The following CLUL1 variants were observed in gnomAD, a reference collection of about 807,000 sequenced individuals.
CLUL1 encodes the protein clusterin like 1, also known as clusterin-like protein 1.
Under a neutral mutation model 49.4 loss-of-function variants are expected in CLUL1, and 43 were observed. The observed-to-expected ratio is 0.87, with a 90% confidence interval of 0.68 to 1.12. The LOEUF is 1.12. Ranked by LOEUF, CLUL1 falls within the 50% of genes most tolerant of loss-of-function variation. The probability of loss-of-function intolerance (pLI) is 0.00; values close to 1 mark genes in which losing one functional copy is unlikely to be tolerated. For missense variants in CLUL1, 486 were observed against 544.4 expected (o/e 0.89, Z 1.07); for synonymous variants, 192 against 184.9 (o/e 1.04, Z -0.31).
chr18:645,223 C>A, intron 9 of CLUL1, 126 bp downstream of exon 9: 2 of 643,402 alleles, frequency 3.1e-6, no homozygotes, highest in South Asian at 4.1e-5. Flanking sequence ...GACATGAAAA[C>A]AAACAAGATG....
rs762631920 is a variant in CLUL1 at position 627,519 on chromosome 18, A to G, written c.846A>G (p.Lys282=). The change falls in exon 6 of 10, where the codon AAA becomes AAG. Residue 282 remains lysine (K), a synonymous_variant. Coordinates refer to ENST00000692774, the MANE Select transcript of CLUL1 (RefSeq NM_001393344.1). ...TGAAGGCAATAGAAGATTTACCAAA[A>G]CAAGACAAAGGCAAGTATTAAAAGA... ...KMLKAIEDLP[K]QDKAPDHGGL... The G allele has an allele frequency of 6.2e-6, 10 of 1,604,084 alleles. No individual in the cohort carries two copies. The East Asian group carries it at 2.2e-4, about 36-fold the overall frequency.
At chr18:630,352 G>A (rs540678094) in intron 6 of CLUL1, among the ~76,000 whole-genome samples, 52 of 152,084 alleles carry the variant, frequency 3.4e-4, no homozygotes, top group Middle Eastern at 3.4e-3. Flanking sequence ...CAAATGATCC[G>A]CCCACCTCGG....
In CLUL1 at chr18:608,691, C is replaced by T. The variant is rs2073049798; in HGVS notation, c.-14+1592C>T. Among the ~76,000 whole-genome samples, 3 of 152,192 alleles carry T rather than the reference C, an allele frequency of 2.0e-5. No homozygotes were observed. In the South Asian group the frequency reaches 6.2e-4, roughly 32 times the overall value. ...CATGATCTCACTACTACACTCCAGC[C>T]TGGGCAACAGAGTGAGACTCTGTCT... On this transcript the variant is annotated intron_variant, in intron 2 of 9. Transcript: ENST00000692774.
rs2072965986 is a variant in CLUL1 at position 606,084 on chromosome 18, T to G, written c.-135-894T>G. Among the ~76,000 whole-genome samples the G allele has an allele frequency of 1.3e-5, 2 of 152,182 alleles. No homozygotes were observed. Among genetic ancestry groups the G allele is most frequent in the Non-Finnish European group, 2.9e-5 (2 of 68,024 alleles). ...CACTCTGGAAGAATATTTAAGAATA[T>G]ACCAAATAAGAATATGCAAGTCCTC... On this transcript the variant is annotated intron_variant, in intron 1 of 9. Coordinates refer to ENST00000692774, the MANE Select transcript of CLUL1 (RefSeq NM_001393344.1). The surrounding 1 kb of genome is among the most constrained non-coding windows in gnomAD (Gnocchi z 4.1).
In CLUL1 at chr18:618,880, A is replaced by G. The variant is rs1219352131; in HGVS notation, c.107-333A>G. Among the ~76,000 whole-genome samples the G allele has an allele frequency of 6.6e-6, 1 of 152,158 alleles. No homozygotes were observed. The highest frequency in any genetic ancestry group is 1.5e-5 in the Non-Finnish European group (1 of 68,022). ...TGGGCACTTAATATAAATTATGAAGAAAATGCAAAATTTTCTCTAATATAA... is the reference window on the plus strand; with the variant it reads ...TGGGCACTTAATATAAATTATGAAGGAAATGCAAAATTTTCTCTAATATAA... On this transcript the variant is annotated intron_variant, in intron 3 of 9. Transcript: ENST00000692774. The surrounding 1 kb of genome is among the most constrained non-coding windows in gnomAD (Gnocchi z 4.2).
chr18:626,879 G>T (rs868667573), intron 5 of CLUL1, among the ~76,000 whole-genome samples: 8 of 192 alleles, frequency 0.042, 2 homozygotes, highest in Non-Finnish European at 0.29. Context: ...AAGAAAGAAA[G>T]AAAGAAAGAA....
intron 7 of CLUL1, among the ~76,000 whole-genome samples, chr18:637,040 G>A (rs2074161261): frequency 6.6e-6 from 1 of 151,268 alleles, no homozygotes; most frequent in Non-Finnish European, 1.5e-5. Flanking sequence ...AGGCTGGAGG[G>A]CAGTGGCACA....
At chr18:637,335 T>G (rs2074175234) in intron 7 of CLUL1, among the ~76,000 whole-genome samples, 1 of 152,106 alleles carries the variant, frequency 6.6e-6, no homozygotes, top group Non-Finnish European at 1.5e-5. Flanking sequence ...GTTGGGCTAG[T>G]GAGGAAGTCA....
chr18:641,468 G>A lies in CLUL1; in HGVS notation c.1136G>A (p.Arg379Lys). 1 of 1,614,224 alleles carries A rather than the reference G, an allele frequency of 6.2e-7. No homozygotes were observed. The highest frequency in any genetic ancestry group is 8.5e-7 in the Non-Finnish European group (1 of 1,180,048). Residue 379 changes from arginine to lysine, a missense_variant, in exon 8 of 10, where the codon AGA (arginine) becomes AAA (lysine). Coordinates refer to ENST00000692774, the MANE Select transcript of CLUL1 (RefSeq NM_001393344.1). ...ACCGCCTATCTGGTGGAGAAGATGA[G>A]AGGGCAATTTGGCTGGGTGTCTGAA... Reference protein sequence around the residue: ...EDTAYLVEKMRGQFGWVSELA... With the variant: ...EDTAYLVEKMKGQFGWVSELA...
chr18:627,718 C>T (rs1598429580), intron 6 of CLUL1, 189 bp downstream of exon 6: 4 of 482,040 alleles, frequency 8.3e-6, no homozygotes, highest in South Asian at 4.7e-5. Context: ...CTTCCATCAT[C>T]GTTGAGAACT....
At chr18:632,334 ATG>A (rs34398863) in intron 6 of CLUL1, among the ~76,000 whole-genome samples, 78,896 of 150,940 alleles carry the variant, frequency 0.52, 20,991 homozygotes, top group East Asian at 0.76. Flanking sequence ...GTGTATATAT[ATG>A]TGTGTGTGTG....
intron 1 of CLUL1, among the ~76,000 whole-genome samples, chr18:601,358 A>ACTGG (rs1310894228): frequency 6.6e-6 from 1 of 152,050 alleles, no homozygotes; most frequent in Non-Finnish European, 1.5e-5. Flanking sequence ...ACTTAGATAT[A>ACTGG]CTGGCCGGGC....
At chr18:646,371 A>G (rs2074507702) in intron 9 of CLUL1, among the ~76,000 whole-genome samples, 1 of 151,458 alleles carries the variant, frequency 6.6e-6, no homozygotes, top group African/African-American at 2.4e-5. Flanking sequence ...CAGCCAACCA[A>G]TATCTTTTTA....
chr18:628,792 T>C lies in CLUL1; in HGVS notation c.856+1263T>C, dbSNP rs572537483. ...GATTACAGGTGCCCGCCACCACGCC[T>C]GGCTAATTTTTGTATTTTTAGTAGA... On this transcript the variant is annotated intron_variant, in intron 6 of 9. Coordinates refer to ENST00000692774, the MANE Select transcript of CLUL1 (RefSeq NM_001393344.1). Among the ~76,000 whole-genome samples, 798 of 151,762 alleles carry C rather than the reference T, an allele frequency of 5.3e-3. 8 individuals are homozygous for C. Among genetic ancestry groups the C allele is most frequent in the African/African-American group, 0.017 (709 of 41,356 alleles).
intron 6 of CLUL1, among the ~76,000 whole-genome samples, chr18:631,257 G>A (rs1220842103): frequency 6.6e-6 from 1 of 152,154 alleles, no homozygotes; most frequent in African/African-American, 2.4e-5. Context: ...CTCAGTTCCT[G>A]AATCTGTTGA....
chr18:645,810 A>AAATATAT (rs1451607900), intron 9 of CLUL1, among the ~76,000 whole-genome samples: 15 of 29,862 alleles, frequency 5.0e-4, no homozygotes, highest in East Asian at 1.7e-3. Flanking sequence ...AAAAAAAAAA[A>AAATATAT]ATATATATAT....
At position 627,248 on chromosome 18, in the gene CLUL1, A is replaced by C; in HGVS notation, c.575A>C (p.Asn192Thr). Reference sequence around the variant, plus strand: ...TTCAGCCAGTTGACTGTGGATGTGAATTCTCTCTTTAACAGGAGTTTTAAC... The same window carrying C: ...TTCAGCCAGTTGACTGTGGATGTGACTTCTCTCTTTAACAGGAGTTTTAAC... ...DVFSQLTVDV[N>T]SLFNRSFNVF... The change falls in exon 6 of 10, where the codon AAT (asparagine) becomes ACT (threonine). Residue 192 changes from asparagine to threonine, a missense_variant. Coordinates refer to ENST00000692774, the MANE Select transcript of CLUL1 (RefSeq NM_001393344.1). 2 of 1,614,004 alleles carry C rather than the reference A, an allele frequency of 1.2e-6. No homozygotes were observed. Among genetic ancestry groups the C allele is most frequent in the Non-Finnish European group, 1.7e-6 (2 of 1,180,008 alleles).
intron 9 of CLUL1, among the ~76,000 whole-genome samples, chr18:648,076 G>C (rs765359812): frequency 4.6e-5 from 7 of 152,210 alleles, no homozygotes; most frequent in Non-Finnish European, 1.0e-4. Context: ...GAAGGTGGAA[G>C]GCAAAGGTGG....
At chr18:613,923 C>T (rs568782056) in intron 2 of CLUL1, among the ~76,000 whole-genome samples, 15 of 152,296 alleles carry the variant, frequency 9.8e-5, no homozygotes, top group South Asian at 8.3e-4. Flanking sequence ...CAAATCATTT[C>T]GTACATTCCA....
Sources: allele counts gnomAD v4.1 joint callset (sites outside exome capture counted in the v4.1 genomes callset), GRCh38; gene constraint gnomAD v4.1.1; non-coding constraint Gnocchi (gnomAD v3.1); transcripts MANE v1.5; gene names NCBI Gene and HGNC (gene_info 2026-07-23, HGNC 2026-07-21).